The following COBL variants were observed in gnomAD, a reference collection of about 807,000 sequenced individuals.
COBL encodes the protein protein cordon-bleu.
In COBL, 51 loss-of-function variants were observed where a neutral mutation model predicts 98.8. The ratio of observed to expected loss-of-function variants is 0.52; its 90% CI spans 0.41 to 0.65. The LOEUF is 0.65. COBL is among the 30% of genes least tolerant of loss of function. The pLI is 0.00. For synonymous variants in COBL, 634 were observed against 651.7 expected, an observed-to-expected ratio of 0.97 and a Z score of 0.41; for missense variants, 1,617 against 1,617.5, an observed-to-expected ratio of 1.00 and a Z score of 0.01.
At chr7:51,079,678 G>T (rs1793433141) in intron 7 of COBL, among the ~76,000 whole-genome samples, 1 of 152,208 alleles carries the variant, frequency 6.6e-6, no homozygotes, top group Admixed American at 6.5e-5. Flanking sequence ...GCCACAGGGT[G>T]TGCACAGAGA....
At chr7:51,074,945 T>G (rs952120177) in intron 7 of COBL, among the ~76,000 whole-genome samples, 13 of 152,232 alleles carry the variant, frequency 8.5e-5, no homozygotes, top group Non-Finnish European at 1.9e-4. Flanking sequence ...TTGATTCTCA[T>G]AGAATGCTTT....
intron 1 of COBL, among the ~76,000 whole-genome samples, chr7:51,315,753 G>A (rs1381642936): frequency 6.6e-6 from 1 of 151,960 alleles, no homozygotes; most frequent in Non-Finnish European, 1.5e-5. Context: ...TCTGAATAAT[G>A]AGCAGGGCTG....
intron 1 of COBL, chr7:51,259,858 C>T (rs1442187554): frequency 1.3e-6 from 1 of 756,494 alleles, no homozygotes; most frequent in African/African-American, 1.7e-5. Context: ...CCATGGTTCT[C>T]TGCACCAGTA....
intron 1 of COBL, among the ~76,000 whole-genome samples, chr7:51,285,381 A>G (rs1233415022): frequency 7.0e-6 from 1 of 143,570 alleles, no homozygotes. Context: ...ATCTGCAAAG[A>G]AAAAAAAAAA....
intron 1 of COBL, among the ~76,000 whole-genome samples, chr7:51,307,012 C>T (rs1447455443): frequency 1.3e-5 from 2 of 152,114 alleles, no homozygotes; most frequent in South Asian, 2.1e-4. Flanking sequence ...TGGACACTGA[C>T]GAGAGACGTC....
intron 1 of COBL, among the ~76,000 whole-genome samples, chr7:51,233,428 A>G (rs7787777): frequency 0.1 from 6,571 of 63,136 alleles, 377 homozygotes; most frequent in African/African-American, 0.24. Context: ...CAGTGGGGGG[A>G]AAAAAAAGGA....
chr7:51,090,539 C>G (rs1279876832), intron 6 of COBL, among the ~76,000 whole-genome samples: 1 of 152,204 alleles, frequency 6.6e-6, no homozygotes, highest in African/African-American at 2.4e-5. Context: ...TATGTCTCGA[C>G]TGACTGGGAG....
chr7:51,233,763 G>A lies in COBL; in HGVS notation c.42-13819C>T, dbSNP rs553397116. ...ACATGACACCACAGTTCAGGGAAAC[G>A]GACGTTTTCAGGATGTGCACATGCC... On this transcript the variant is annotated intron_variant, in intron 1 of 12. Transcript: ENST00000265136. Among the ~76,000 whole-genome samples, 3 of 152,280 alleles carry A rather than the reference G, an allele frequency of 2.0e-5. No individual in the cohort carries two copies. The East Asian group carries it at 5.8e-4, about 29-fold the overall frequency.
At chr7:51,223,769 T>C (rs1353444125) in intron 1 of COBL, among the ~76,000 whole-genome samples, 3 of 152,242 alleles carry the variant, frequency 2.0e-5, no homozygotes, top group African/African-American at 7.2e-5. Context: ...TTGGCTGCAC[T>C]GTGGCTGGAA....
At chr7:51,035,700 C>A (rs1263754158) in intron 8 of COBL, 4 of 152,104 alleles carry the variant, frequency 2.6e-5, no homozygotes, top group Non-Finnish European at 5.9e-5. Context: ...GTGATTTCTG[C>A]CAATAATTAA....
At chr7:51,268,591 G>C (rs1446713511) in intron 1 of COBL, among the ~76,000 whole-genome samples, 3 of 152,158 alleles carry the variant, frequency 2.0e-5, no homozygotes, top group Non-Finnish European at 4.4e-5. Flanking sequence ...GTGGATCACA[G>C]AGTAATTCCC....
intron 7 of COBL, among the ~76,000 whole-genome samples, chr7:51,083,520 T>C (rs1238894993): frequency 6.6e-6 from 1 of 152,236 alleles, no homozygotes; most frequent in Admixed American, 6.5e-5. Flanking sequence ...ACTACATAAA[T>C]GCTGGGCTTG....
intron 1 of COBL, among the ~76,000 whole-genome samples, chr7:51,277,502 A>G (rs149826650): frequency 1.1e-3 from 170 of 152,338 alleles, no homozygotes; most frequent in African/African-American, 3.9e-3. Context: ...ACTGTTGAGC[A>G]CACAGTGGTA....
At chr7:51,293,718 C>T (rs1047643828) in intron 1 of COBL, among the ~76,000 whole-genome samples, 4 of 152,114 alleles carry the variant, frequency 2.6e-5, no homozygotes, top group Non-Finnish European at 5.9e-5. Context: ...AAATACAGTA[C>T]ACCTTCTCAA....
Position 51,098,224 on chromosome 7 carries a change from C to CTTT in COBL, c.958-12923_958-12921dup, listed in dbSNP as rs551768231. On this transcript the variant is annotated intron_variant, in intron 6 of 12. Transcript: ENST00000265136. ...ACTACCAAAATCCCAATAGCAGTTT[C>CTTT]TTTTTTTTTTTTGGAGAAATAGGAA... Among the ~76,000 whole-genome samples the CTTT allele has an allele frequency of 2.6e-4, 26 of 100,846 alleles. 4 individuals carry two copies. The highest frequency in any genetic ancestry group is 3.8e-4 in the Non-Finnish European group (20 of 52,216). 66.2% of individuals were successfully genotyped at this position (100,846 alleles called of 152,430 possible).
intron 6 of COBL, among the ~76,000 whole-genome samples, chr7:51,095,809 G>A (rs1429242720): frequency 6.6e-6 from 1 of 152,110 alleles, no homozygotes; most frequent in Admixed American, 6.5e-5. Context: ...CTTATATAAT[G>A]ATAAACGATC....
rs978741651 is a variant in COBL at position 51,263,587 on chromosome 7, A to T, written c.42-43643T>A. Reference sequence around the variant, plus strand: ...GTGGAGGTCCCCACTTTGGTGGGGAATTATGGAGCCCACACCTGAGTGCTT... The same window carrying T: ...GTGGAGGTCCCCACTTTGGTGGGGATTTATGGAGCCCACACCTGAGTGCTT... On this transcript the variant is annotated intron_variant, in intron 1 of 12. Coordinates refer to ENST00000265136, the MANE Select transcript of COBL (RefSeq NM_015198.5). 1.1e-4 allele frequency among the ~76,000 whole-genome samples: 16 copies of T among 151,828 alleles called. 1 individual carries two copies. Among genetic ancestry groups the T allele is most frequent in the African/African-American group, 3.6e-4 (15 of 41,206 alleles).
intron 7 of COBL, among the ~76,000 whole-genome samples, chr7:51,076,808 T>C (rs1203195923): frequency 6.6e-6 from 1 of 152,178 alleles, no homozygotes; most frequent in African/African-American, 2.4e-5. Flanking sequence ...AAGGAAAGAT[T>C]TATTTGCTTA....
chr7:51,187,619 G>A (rs899253891), intron 4 of COBL, among the ~76,000 whole-genome samples: 1 of 152,132 alleles, frequency 6.6e-6, no homozygotes, highest in East Asian at 1.9e-4. Flanking sequence ...CTTCTGATCT[G>A]CCCTGAATTA....
Sources: allele counts gnomAD v4.1 joint callset (sites outside exome capture counted in the v4.1 genomes callset), GRCh38; gene constraint gnomAD v4.1.1; transcripts MANE v1.5; gene names NCBI Gene and HGNC (gene_info 2026-07-23, HGNC 2026-07-21).